SLC36A1: variants seen among roughly 807,000 people sequenced by gnomAD.
SLC36A1 encodes solute carrier family 36 member 1.
A neutral mutation model predicts 47.5 loss-of-function variants in SLC36A1; 30 were observed. The observed-to-expected ratio is 0.63, with a 90% CI of 0.47 to 0.86. SLC36A1 has a LOEUF of 0.86. SLC36A1 is among the 40% of genes least tolerant of loss of function. The probability of loss-of-function intolerance (pLI) is 0.00; values close to 1 mark genes in which losing one functional copy is unlikely to be tolerated. For synonymous variants in SLC36A1, 255 were observed against 249.7 expected (o/e 1.02, Z -0.20); for missense variants, 517 against 606.0 (o/e 0.85, Z 1.54).
chr5:151,475,817 G>T (rs78973957), intron 8 of SLC36A1, among the ~76,000 whole-genome samples: 1 of 152,334 alleles, frequency 6.6e-6, no homozygotes, highest in East Asian at 1.9e-4. Context: ...GCTAGACATT[G>T]CCCAGTGTTG....
the SLC36A1 span, among the ~76,000 whole-genome samples, chr5:151,356,113 T>C: frequency 3.3e-5 from 5 of 151,636 alleles, no homozygotes; most frequent in South Asian, 4.2e-4. Context: ...CTGAGGTGGG[T>C]GGATCACCTG....
At chr5:151,509,989 A>T in the SLC36A1 span, 16 of 1,607,464 alleles carry the variant, frequency 1.0e-5, 2 homozygotes, top group Admixed American at 2.5e-4. Flanking sequence ...CCTAACAAGG[A>T]GCCCATGGCA....
At chr5:151,481,395 G>A (rs1195268051) in intron 10 of SLC36A1, among the ~76,000 whole-genome samples, 2 of 152,178 alleles carry the variant, frequency 1.3e-5, no homozygotes, top group East Asian at 3.9e-4. Context: ...GGCCTTTCAT[G>A]GCAGCAGCAA....
At chr5:151,501,312 C>T in the SLC36A1 span, among the ~76,000 whole-genome samples, 3 of 151,680 alleles carry the variant, frequency 2.0e-5, no homozygotes, top group Non-Finnish European at 2.9e-5. Flanking sequence ...CCACTGCCTG[C>T]GTGGTGTCTC....
the SLC36A1 span, among the ~76,000 whole-genome samples, chr5:151,405,376 G>A: frequency 7.4e-6 from 1 of 135,322 alleles, no homozygotes; most frequent in Non-Finnish European, 1.5e-5. Context: ...TTGAGATAGG[G>A]TGTTGCTCTG....
the SLC36A1 span, among the ~76,000 whole-genome samples, chr5:151,361,243 AC>A: frequency 6.6e-6 from 1 of 152,072 alleles, no homozygotes; most frequent in Non-Finnish European, 1.5e-5. Flanking sequence ...GTTCGTTGAG[AC>A]CCCTGGTGTA....
At chr5:151,345,208 G>T in the SLC36A1 span, among the ~76,000 whole-genome samples, 3 of 152,184 alleles carry the variant, frequency 2.0e-5, no homozygotes, top group Non-Finnish European at 4.4e-5. Flanking sequence ...GGGTTTACAC[G>T]TGCAACTTTA....
chr5:151,488,049 G>A lies in SLC36A1; in HGVS notation c.1226G>A (p.Ser409Asn), dbSNP rs1229043860. The A allele has an allele frequency of 2.5e-6, 4 of 1,614,134 alleles. No individual in the cohort carries two copies. In the South Asian group the frequency reaches 4.4e-5, roughly 18 times the overall value. The change falls in exon 11 of 11, where the codon AGC (serine) becomes AAC (asparagine). Residue 409 changes from serine to asparagine, a missense_variant. Coordinates refer to ENST00000243389, the MANE Select transcript of SLC36A1 (RefSeq NM_078483.4). ...VISLVGSVSS[S>N]ALALIIPPLL... ...TCCCTGGTGGGCTCCGTGAGCAGCA[G>A]CGCCCTGGCCCTCATCATCCCACCG...
the SLC36A1 span, chr5:151,347,287 C>T: frequency 3.7e-6 from 6 of 1,614,038 alleles, no homozygotes; most frequent in South Asian, 5.5e-5. Context: ...TGGCAGAAAA[C>T]AGCACTCACG....
At chr5:151,376,312 T>C in the SLC36A1 span, among the ~76,000 whole-genome samples, 3 of 152,358 alleles carry the variant, frequency 2.0e-5, 1 homozygote, top group South Asian at 6.2e-4. Flanking sequence ...ATTAGATAAA[T>C]CAATAAATAG....
the SLC36A1 span, among the ~76,000 whole-genome samples, chr5:151,535,259 T>C: frequency 6.6e-6 from 1 of 151,982 alleles, no homozygotes; most frequent in Non-Finnish European, 1.5e-5. Flanking sequence ...TTGGGTGTGT[T>C]ATGTTAGGCC....
the SLC36A1 span, among the ~76,000 whole-genome samples, chr5:151,388,920 T>C: frequency 6.6e-6 from 1 of 152,114 alleles, no homozygotes; most frequent in Admixed American, 6.5e-5. Flanking sequence ...TCTGAAAGTC[T>C]ACAATCATAA....
chr5:151,532,935 G>A, the SLC36A1 span, among the ~76,000 whole-genome samples: 2 of 152,218 alleles, frequency 1.3e-5, no homozygotes, highest in African/African-American at 4.8e-5. Context: ...CACATGCCAT[G>A]CAACTTCCCC....
At chr5:151,522,769 G>A in the SLC36A1 span, among the ~76,000 whole-genome samples, 1 of 152,148 alleles carries the variant, frequency 6.6e-6, no homozygotes, top group Non-Finnish European at 1.5e-5. Context: ...GTAAGGTCCT[G>A]GGGTAGGAAT....
At chr5:151,394,732 G>C in the SLC36A1 span, among the ~76,000 whole-genome samples, 75,549 of 152,138 alleles carry the variant, frequency 0.5, 20,752 homozygotes, top group African/African-American at 0.75. Context: ...TGCTGAATAG[G>C]AAATGTTGCT....
the SLC36A1 span, chr5:151,538,006 A>G: frequency 6.6e-7 from 1 of 1,510,546 alleles, no homozygotes; most frequent in Non-Finnish European, 9.1e-7. Flanking sequence ...ATCCAGAGAG[A>G]AGCAGAGTGA....
chr5:151,385,667 A>G, the SLC36A1 span, among the ~76,000 whole-genome samples: 1 of 152,050 alleles, frequency 6.6e-6, no homozygotes, highest in Non-Finnish European at 1.5e-5. Context: ...TTTTGCCAAA[A>G]TGGGGAGAAC....
chr5:151,537,781 C>T, the SLC36A1 span: 1 of 1,605,164 alleles, frequency 6.2e-7, no homozygotes, highest in South Asian at 1.1e-5. Context: ...TCCTGCAGCT[C>T]AGGAAACCCA....
At chr5:151,370,320 C>T in the SLC36A1 span, among the ~76,000 whole-genome samples, 1 of 152,146 alleles carries the variant, frequency 6.6e-6, no homozygotes, top group Non-Finnish European at 1.5e-5. Context: ...CTTATAGGTA[C>T]TCATGCAATG....
Sources: allele counts gnomAD v4.1 joint callset (sites outside exome capture counted in the v4.1 genomes callset), GRCh38; gene constraint gnomAD v4.1.1; transcripts MANE v1.5; gene names NCBI Gene and HGNC (gene_info 2026-07-23, HGNC 2026-07-21).